Variants in RTN1 observed in about 807,000 individuals in gnomAD.
RTN1 encodes reticulon-1.
RTN1 carries 25 observed loss-of-function variants against 65.5 expected under a neutral mutation model. That is an observed-to-expected ratio of 0.38 (90% CI 0.28 to 0.53). The LOEUF (loss-of-function observed/expected upper bound fraction) is 0.53. RTN1 is among the 20% of genes least tolerant of loss of function. The pLI is 0.79. For synonymous variants in RTN1, 471 were observed against 447.6 expected, an observed-to-expected ratio of 1.05 and a Z score of -0.66; for missense variants, 983 against 1,025.4, an observed-to-expected ratio of 0.96 and a Z score of 0.57.
At chr14:59,851,750 G>C (rs141196488) in intron 1 of RTN1, among the ~76,000 whole-genome samples, 1 of 151,728 alleles carries the variant, frequency 6.6e-6, no homozygotes, top group Non-Finnish European at 1.5e-5. Context: ...CCAGCTATTC[G>C]GGAGGCTGAG....
intron 3 of RTN1, among the ~76,000 whole-genome samples, chr14:59,696,047 T>C (rs892622195): frequency 2.0e-5 from 3 of 152,152 alleles, no homozygotes; most frequent in Non-Finnish European, 2.9e-5. Context: ...TATTCGTGAC[T>C]TCCCTGGAGA....
chr14:59,726,108 C>T (rs1884753944), intron 3 of RTN1, among the ~76,000 whole-genome samples: 1 of 152,170 alleles, frequency 6.6e-6, no homozygotes, highest in Admixed American at 6.5e-5. Flanking sequence ...GACTCTAATT[C>T]CTTTCTTGAA....
chr14:59,603,556 C>T (rs1027828667), intron 6 of RTN1, among the ~76,000 whole-genome samples: 2 of 151,426 alleles, frequency 1.3e-5, no homozygotes, highest in African/African-American at 4.9e-5. Flanking sequence ...CCATAGCTGC[C>T]ACTGTAAACA....
intron 3 of RTN1, among the ~76,000 whole-genome samples, chr14:59,720,061 G>A (rs929403751): frequency 1.8e-4 from 27 of 152,204 alleles, no homozygotes; most frequent in African/African-American, 4.1e-4. Flanking sequence ...AGGGTTTATT[G>A]TGTCCCAAAG....
intron 1 of RTN1, among the ~76,000 whole-genome samples, chr14:59,787,220 CT>C (rs1886265152): frequency 6.6e-6 from 1 of 152,050 alleles, no homozygotes; most frequent in Non-Finnish European, 1.5e-5. Context: ...CTGAGCCCCC[CT>C]AGGGGAGCTA....
intron 3 of RTN1, among the ~76,000 whole-genome samples, chr14:59,723,298 T>G (rs1361605819): frequency 1.3e-5 from 2 of 152,086 alleles, no homozygotes; most frequent in Non-Finnish European, 2.9e-5. Context: ...GAAAGCATAC[T>G]GCCATCGTCT....
intron 3 of RTN1, among the ~76,000 whole-genome samples, chr14:59,703,617 A>G (rs891120596): frequency 6.6e-6 from 1 of 152,206 alleles, no homozygotes; most frequent in Non-Finnish European, 1.5e-5. Flanking sequence ...CAATGCAAAA[A>G]CGGACTAACA....
chr14:59,797,074 T>G (rs1271005945), intron 1 of RTN1, among the ~76,000 whole-genome samples: 1 of 152,224 alleles, frequency 6.6e-6, no homozygotes, highest in Non-Finnish European at 1.5e-5. Context: ...GAACTTTTCC[T>G]TCCATCATTG....
chr14:59,783,098 G>T (rs1442629704), intron 1 of RTN1, among the ~76,000 whole-genome samples: 1 of 152,124 alleles, frequency 6.6e-6, no homozygotes, highest in Non-Finnish European at 1.5e-5. Context: ...ACAGAAAAAA[G>T]GTTAGGAAAG....
intron 1 of RTN1, among the ~76,000 whole-genome samples, chr14:59,857,281 C>G (rs945655234): frequency 1.3e-5 from 2 of 152,168 alleles, no homozygotes; most frequent in Non-Finnish European, 2.9e-5. Context: ...TCTATGGCTT[C>G]TCTTCTAATT....
chr14:59,620,595 T>G (rs1882229182), intron 3 of RTN1, among the ~76,000 whole-genome samples: 2 of 152,270 alleles, frequency 1.3e-5, no homozygotes, highest in Admixed American at 6.5e-5. Context: ...TCTTCTTACT[T>G]TTTAATGTGG....
rs1885967748 is a variant in RTN1, at chr14:59,771,980, T to G, written c.242-25499A>C. ...TAGACTCCACTATACTATTCATTAT[T>G]TATTGCTAGTGCCTTTTGTAATTAC... On this transcript the variant is annotated intron_variant, in intron 1 of 8. Transcript: ENST00000267484. 2.6e-5 allele frequency among the ~76,000 whole-genome samples: 4 copies of G among 152,350 alleles called. No homozygotes were observed. In the South Asian group the frequency reaches 6.2e-4, roughly 24 times the overall value.
At chr14:59,649,316 C>A (rs1882974186) in intron 3 of RTN1, among the ~76,000 whole-genome samples, 1 of 152,114 alleles carries the variant, frequency 6.6e-6, no homozygotes, top group South Asian at 2.1e-4. Flanking sequence ...TAGAAGAAAA[C>A]CTAGGCAATA....
chr14:59,762,630 A>G (rs1490453361), intron 1 of RTN1, among the ~76,000 whole-genome samples: 1 of 152,200 alleles, frequency 6.6e-6, no homozygotes, highest in African/African-American at 2.4e-5. Flanking sequence ...GCTAAACTAG[A>G]TGGATCTAAA....
chr14:59,641,799 T>G (rs1366795340), intron 3 of RTN1, among the ~76,000 whole-genome samples: 1 of 152,250 alleles, frequency 6.6e-6, no homozygotes, highest in African/African-American at 2.4e-5. Context: ...TCAAACTCCC[T>G]TAGTCTCTGT....
intron 2 of RTN1, among the ~76,000 whole-genome samples, chr14:59,739,285 C>T (rs7160375): frequency 0.065 from 9,941 of 152,092 alleles, 1,051 homozygotes; most frequent in African/African-American, 0.23. Flanking sequence ...CTTTGGGATG[C>T]CGAGGCGGGC....
intron 3 of RTN1, among the ~76,000 whole-genome samples, chr14:59,609,937 G>C (rs1480427776): frequency 6.6e-6 from 1 of 152,172 alleles, no homozygotes; most frequent in African/African-American, 2.4e-5. Context: ...TACATATTTG[G>C]AAACAAATAC....
chr14:59,755,395 A>C (rs1454959418), intron 1 of RTN1, among the ~76,000 whole-genome samples: 1 of 152,168 alleles, frequency 6.6e-6, no homozygotes, highest in Non-Finnish European at 1.5e-5. Flanking sequence ...AACTGTAATG[A>C]CAGTGCAGAG....
chr14:59,604,524 A>G (rs1438033683), intron 5 of RTN1: 1 of 152,376 alleles, frequency 6.6e-6, no homozygotes, highest in East Asian at 1.9e-4. Context: ...CACTAAGGTA[A>G]GTAATTATAA....
Sources: allele counts gnomAD v4.1 joint callset (sites outside exome capture counted in the v4.1 genomes callset), GRCh38; gene constraint gnomAD v4.1.1; transcripts MANE v1.5; gene names NCBI Gene and HGNC (gene_info 2026-07-23, HGNC 2026-07-21).